Variants in CNTN5 observed in about 807,000 individuals in gnomAD.
CNTN5 encodes the protein contactin-5.
CNTN5 carries 77 observed loss-of-function variants against 129.1 expected under a neutral mutation model. The ratio of observed to expected loss-of-function variants is 0.60; its 90% CI spans 0.50 to 0.72. CNTN5 has a LOEUF of 0.72. CNTN5 is among the 30% of genes least tolerant of loss of function. The probability of loss-of-function intolerance (pLI) is 0.00; values close to 1 mark genes in which losing one functional copy is unlikely to be tolerated. For missense variants in CNTN5, 1,478 were observed against 1,328.8 expected, an observed-to-expected ratio of 1.11 and a Z score of -1.75; for synonymous variants, 509 against 465.6, an observed-to-expected ratio of 1.09 and a Z score of -1.20.
intron 1 of CNTN5, among the ~76,000 whole-genome samples, chr11:99,032,733 T>C (rs1231469375): frequency 2.0e-5 from 3 of 149,692 alleles, no homozygotes; most frequent in African/African-American, 7.4e-5. Context: ...TTCACTCTGA[T>C]GGTAGTTTCT....
chr11:99,586,111 C>T (rs559993075), intron 3 of CNTN5, among the ~76,000 whole-genome samples: 1 of 152,106 alleles, frequency 6.6e-6, no homozygotes, highest in Non-Finnish European at 1.5e-5. Context: ...GGCCTCATGT[C>T]TAGTCTGCTA....
chr11:99,807,063 T>C (rs1408330706), intron 3 of CNTN5, among the ~76,000 whole-genome samples: 1 of 152,048 alleles, frequency 6.6e-6, no homozygotes, highest in Non-Finnish European at 1.5e-5. Context: ...TATAATTTAA[T>C]GATGAAATAT....
At chr11:99,289,410 G>A (rs535398715) in intron 1 of CNTN5, among the ~76,000 whole-genome samples, 1 of 151,736 alleles carries the variant, frequency 6.6e-6, no homozygotes, top group East Asian at 1.9e-4. Context: ...CACATTACTG[G>A]GAGATCAGAG....
intron 2 of CNTN5, among the ~76,000 whole-genome samples, chr11:99,479,894 T>C (rs1945524471): frequency 1.3e-5 from 2 of 151,974 alleles, no homozygotes; most frequent in Admixed American, 6.6e-5. Flanking sequence ...TTTTGTCCAG[T>C]TTAGTTTATT....
intron 9 of CNTN5, among the ~76,000 whole-genome samples, chr11:100,037,895 T>G (rs909541144): frequency 4.3e-4 from 66 of 152,282 alleles, no homozygotes; most frequent in Non-Finnish European, 8.7e-4. Context: ...GTCTATCAAT[T>G]TTGTTGATCT....
At chr11:99,518,065 A>G (rs901619001) in intron 2 of CNTN5, among the ~76,000 whole-genome samples, 10 of 152,126 alleles carry the variant, frequency 6.6e-5, no homozygotes, top group African/African-American at 2.2e-4. Context: ...GTTATCAGTC[A>G]TGGACCTTCT....
chr11:99,784,061 T>C (rs7114221), intron 3 of CNTN5, among the ~76,000 whole-genome samples: 42,594 of 152,000 alleles, frequency 0.28, 6,454 homozygotes, highest in East Asian at 0.48. Context: ...ACTACTCAAA[T>C]GTATGTACAC....
At chr11:99,577,724 GT>G (rs1441086112) in intron 3 of CNTN5, among the ~76,000 whole-genome samples, 2 of 152,050 alleles carry the variant, frequency 1.3e-5, no homozygotes, top group Non-Finnish European at 2.9e-5. Context: ...TGAAAACAAA[GT>G]TTGGACAGTT....
intron 2 of CNTN5, among the ~76,000 whole-genome samples, chr11:99,420,431 T>C (rs1267927557): frequency 6.6e-6 from 1 of 152,180 alleles, no homozygotes; most frequent in Non-Finnish European, 1.5e-5. Context: ...ATTTCAGTGT[T>C]AATGGTAGCA....
At chr11:99,563,584 C>T (rs1494474) in intron 3 of CNTN5, among the ~76,000 whole-genome samples, 148,116 of 152,304 alleles carry the variant, frequency 0.97, 72,158 homozygotes, top group East Asian at 1. Flanking sequence ...GTATTCTTTC[C>T]TACAATTCCA....
intron 3 of CNTN5, among the ~76,000 whole-genome samples, chr11:99,618,612 G>T (rs1445009239): frequency 6.6e-6 from 1 of 152,132 alleles, no homozygotes; most frequent in Non-Finnish European, 1.5e-5. Flanking sequence ...CAATCATAGT[G>T]ATTTACTGAG....
intron 13 of CNTN5, among the ~76,000 whole-genome samples, chr11:100,177,665 T>G (rs938807323): frequency 6.6e-6 from 1 of 152,140 alleles, no homozygotes; most frequent in African/African-American, 2.4e-5. Flanking sequence ...TTAATTAAAA[T>G]TGTATGTATA....
chr11:99,953,294 A>C (rs2136155783), intron 7 of CNTN5, among the ~76,000 whole-genome samples: 1 of 152,310 alleles, frequency 6.6e-6, no homozygotes, highest in East Asian at 1.9e-4. Flanking sequence ...CAAAGAGAAG[A>C]TCTTCTGTTT....
chr11:99,214,966 G>T (rs1860045686), intron 1 of CNTN5, among the ~76,000 whole-genome samples: 1 of 151,832 alleles, frequency 6.6e-6, no homozygotes, highest in Admixed American at 6.6e-5. Context: ...CTGACTGAAA[G>T]ATTTTCTTGT....
chr11:99,377,449 T>G (rs1940252879), intron 2 of CNTN5, among the ~76,000 whole-genome samples: 1 of 152,134 alleles, frequency 6.6e-6, no homozygotes, highest in Non-Finnish European at 1.5e-5. Flanking sequence ...GGCTTTAGTT[T>G]TTTTTAAATA....
chr11:100,190,714 C>T (rs1948455148), intron 13 of CNTN5, among the ~76,000 whole-genome samples: 1 of 129,900 alleles, frequency 7.7e-6, no homozygotes, highest in Admixed American at 7.6e-5. Flanking sequence ...TTATACTCCT[C>T]TATGTTTTTA....
intron 7 of CNTN5, among the ~76,000 whole-genome samples, chr11:99,919,083 G>A (rs1308471390): frequency 1.3e-5 from 2 of 152,068 alleles, no homozygotes; most frequent in Non-Finnish European, 2.9e-5. Flanking sequence ...GCCTTTGTTT[G>A]GTGTGCTCTC....
chr11:99,875,934 C>G (rs1948622069), intron 6 of CNTN5, among the ~76,000 whole-genome samples: 1 of 152,056 alleles, frequency 6.6e-6, no homozygotes, highest in South Asian at 2.1e-4. Flanking sequence ...AAAAGTTCAA[C>G]AGATTTTTAT....
chr11:100,271,656 T>G (rs1950410016), intron 18 of CNTN5, among the ~76,000 whole-genome samples: 2 of 152,184 alleles, frequency 1.3e-5, no homozygotes, highest in African/African-American at 4.8e-5. Context: ...ATGTTACCCT[T>G]CACCACAAAA....
Sources: allele counts gnomAD v4.1 joint callset (sites outside exome capture counted in the v4.1 genomes callset), GRCh38; gene constraint gnomAD v4.1.1; transcripts MANE v1.5; gene names NCBI Gene and HGNC (gene_info 2026-07-23, HGNC 2026-07-21).